The following ARL14EP variants were observed in gnomAD, a reference collection of about 807,000 sequenced individuals.
The protein encoded by ARL14EP is ARF like GTPase 14 effector protein.
Under a neutral mutation model 23.1 loss-of-function variants are expected in ARL14EP, and 12 were observed. That is an observed-to-expected ratio of 0.52 (90% confidence interval 0.33 to 0.84). ARL14EP has a LOEUF of 0.84. Among genes scored for constraint, ARL14EP ranks in the 40% least tolerant of loss-of-function variants. The pLI, the probability that ARL14EP is intolerant of heterozygous loss-of-function variation, is 0.02. For synonymous variants in ARL14EP, 97 were observed against 102.0 expected, an observed-to-expected ratio of 0.95 and a Z score of 0.29; for missense variants, 253 against 307.3, an observed-to-expected ratio of 0.82 and a Z score of 1.32.
At chr11:30,331,624 T>C (rs2133650031) in intron 2 of ARL14EP, 3 of 1,343,286 alleles carry the variant, frequency 2.2e-6, no homozygotes, top group Non-Finnish European at 2.9e-6. Flanking sequence ...CAACTTTTAG[T>C]GCGAAGACTT....
intron 1 of ARL14EP, chr11:30,330,406 T>G (rs973294195): frequency 6.6e-6 from 1 of 152,134 alleles, no homozygotes; most frequent in Non-Finnish European, 1.5e-5. Flanking sequence ...AATTGACATA[T>G]TTTTTATAAT....
At chr11:30,331,485 A>C in intron 2 of ARL14EP, 111 bp downstream of exon 2, 1 of 1,535,544 alleles carries the variant, frequency 6.5e-7, no homozygotes, top group Non-Finnish European at 8.7e-7. Context: ...GCATACAGTG[A>C]ATTAAAAGGA....
In ARL14EP at chr11:30,337,670, G is replaced by T. The variant is rs1947344756; in HGVS notation, c.*875G>T. The T allele has an allele frequency of 1.3e-5, 2 of 152,072 alleles. No homozygotes were observed. Among genetic ancestry groups the T allele is most frequent in the Admixed American group, 1.3e-4 (2 of 15,280 alleles). The allele number at this position is 152,072 out of a possible 1,614,324, so 9.4% of individuals were successfully genotyped here. A position where few individuals can be genotyped will look rare whatever the true frequency, so the allele number is the denominator to read the frequency against. On this transcript the variant is annotated 3_prime_UTR_variant, in exon 4 of 4. Coordinates refer to ENST00000282032, the MANE Select transcript of ARL14EP (RefSeq NM_152316.3). ...AACTTTACATTAAAAGATATTTAAT[G>T]TGAATATAGAAATATTTCACAACAT...
In ARL14EP at chr11:30,325,404, T is replaced by A. The variant is rs571241493; in HGVS notation, c.-64+2202T>A. Reference sequence around the variant, plus strand: ...TCATAGGTAAACAAGGGGGGATCCTTGAGTCTTACCTAACTCAAGGGTGGG... The same window carrying A: ...TCATAGGTAAACAAGGGGGGATCCTAGAGTCTTACCTAACTCAAGGGTGGG... On this transcript the variant is annotated intron_variant, in intron 1 of 3. Transcript: ENST00000282032. Among the ~76,000 whole-genome samples, 4 of 152,302 alleles carry A rather than the reference T, an allele frequency of 2.6e-5. No homozygotes were observed. The East Asian group carries it at 7.7e-4, about 29-fold the overall frequency.
chr11:30,323,714 G>A (rs1947214228), intron 1 of ARL14EP, among the ~76,000 whole-genome samples: 1 of 152,192 alleles, frequency 6.6e-6, no homozygotes, highest in African/African-American at 2.4e-5. Flanking sequence ...GTGAACTAAG[G>A]AAGAAATGTA....
intron 1 of ARL14EP, chr11:30,329,822 TAATC>T (rs796654714): frequency 3.3e-5 from 5 of 152,234 alleles, no homozygotes; most frequent in African/African-American, 7.2e-5. Context: ...TTTATGATAA[TAATC>T]CTAACACCTT....
intron 2 of ARL14EP, chr11:30,331,621 T>C (rs753070035): frequency 2.2e-6 from 3 of 1,349,870 alleles, no homozygotes; most frequent in African/African-American, 2.9e-5. Context: ...CTACAACTTT[T>C]AGTGCGAAGA....
rs181105070 is a variant in ARL14EP, at chr11:30,336,862, A to C, written c.*67A>C. On this transcript the variant is annotated 3_prime_UTR_variant, in exon 4 of 4. Coordinates refer to ENST00000282032, the MANE Select transcript of ARL14EP (RefSeq NM_152316.3). The stretch of plus-strand genomic sequence containing the variant: ...CTAAAAATCTGTTACTCTAAGATAC[A>C]TTTTAAGCTTGATTATCATATGACA... The C allele has an allele frequency of 5.4e-4, 742 of 1,382,340 alleles. 1 individual carries two copies. The highest frequency in any genetic ancestry group is 7.3e-4 in the Admixed American group (40 of 54,804). 85.6% of individuals were successfully genotyped at this position (1,382,340 alleles called of 1,614,324 possible). A position where few individuals can be genotyped will look rare whatever the true frequency, so the allele number is the denominator to read the frequency against.
Position 30,331,144 on chromosome 11 carries a change from G to A in ARL14EP, c.196G>A (p.Asp66Asn). 1 of 1,613,864 alleles carries A rather than the reference G, an allele frequency of 6.2e-7. No individual in the cohort carries two copies. Among genetic ancestry groups the A allele is most frequent in the Non-Finnish European group, 8.5e-7 (1 of 1,179,826 alleles). The change falls in exon 2 of 4, where the codon GAC (aspartate) becomes AAC (asparagine). Residue 66 changes from aspartate (D) to asparagine (N), a missense_variant. Asp to Asn is a conservative substitution (Grantham distance 23). Transcript: ENST00000282032. ...ICFHHVKIYI[D>N]RFEDLQKSCC... ...CTTTCATCATGTAAAAATTTACATT[G>A]ACAGATTTGAGGATTTACAGAAGTC...
intron 3 of ARL14EP, among the ~76,000 whole-genome samples, chr11:30,334,698 T>C (rs1420811101): frequency 6.6e-6 from 1 of 152,226 alleles, no homozygotes; most frequent in Admixed American, 6.5e-5. Context: ...TGATGCTAAA[T>C]GTACTCTACC....
intron 2 of ARL14EP, among the ~76,000 whole-genome samples, 158 bp from the exon 3 acceptor site, chr11:30,332,708 A>T (rs1947295199): frequency 1.3e-5 from 2 of 152,232 alleles, no homozygotes; most frequent in South Asian, 4.1e-4. Flanking sequence ...AGGGCCATGT[A>T]AATTTTCTTG....
chr11:30,336,640 G>C lies in ARL14EP; in HGVS notation c.628G>C (p.Asp210His). ...GATTTTTAGTGGGATGGACCTCTGT[G>C]ACTGCCTGGATGAAGACTGCTTAGG... ...LLIFSGMDLC[D>H]CLDEDCLGCF... The change falls in exon 4 of 4, where the codon GAC becomes CAC. Residue 210 changes from aspartate to histidine, a missense_variant. Physicochemically the swap from Asp to His is moderately conservative, Grantham distance 81. Transcript: ENST00000282032. The C allele has an allele frequency of 6.2e-7, 1 of 1,614,166 alleles. No homozygotes were observed. Among genetic ancestry groups the C allele is most frequent in the Non-Finnish European group, 8.5e-7 (1 of 1,180,020 alleles).
intron 1 of ARL14EP, among the ~76,000 whole-genome samples, chr11:30,323,556 A>T (rs1189633036): frequency 6.6e-6 from 1 of 152,082 alleles, no homozygotes; most frequent in Non-Finnish European, 1.5e-5. Context: ...TATCTCTGCT[A>T]TTTTTGTTTT....
In ARL14EP at chr11:30,337,008, A is replaced by G; in HGVS notation, c.*213A>G. The G allele has an allele frequency of 1.8e-6, 1 of 565,794 alleles. No homozygotes were observed. The highest frequency in any genetic ancestry group is 3.1e-6 in the Non-Finnish European group (1 of 319,118). 35.0% of individuals were successfully genotyped at this position (565,794 alleles called of 1,614,324 possible). On this transcript the variant is annotated 3_prime_UTR_variant, in exon 4 of 4. Transcript: ENST00000282032. ...AGTCAGCGTTAAGCCTGTCTGGATC[A>G]ATATAAACAAGTAGGGTGTAGGCAG...
Position 30,331,379 on chromosome 11 carries a change from G to A in ARL14EP, c.426+5G>A. The A allele has an allele frequency of 6.2e-7, 1 of 1,613,804 alleles. No individual in the cohort carries two copies. Among genetic ancestry groups the A allele is most frequent in the Non-Finnish European group, 8.5e-7 (1 of 1,179,814 alleles). On this transcript the variant is annotated splice_donor_5th_base_variant and intron_variant, in intron 2 of 3. Coordinates refer to ENST00000282032, the MANE Select transcript of ARL14EP (RefSeq NM_152316.3). ...AAAAGGAAACCTGAGTCAGATGTAT[G>A]TGTAATAGTCATTTTTTTCTACATT...
Position 30,323,190 on chromosome 11 carries a change from A to C in ARL14EP, c.-76A>C, listed in dbSNP as rs1947207818. 1 of 152,790 alleles carries C rather than the reference A, an allele frequency of 6.5e-6. No individual in the cohort carries two copies. The highest frequency in any genetic ancestry group is 1.5e-5 in the Non-Finnish European group (1 of 68,688). 9.5% of individuals were successfully genotyped at this position (152,790 alleles called of 1,614,324 possible). ...TCTTGCCCGAAGCCGGGCGGAGGAG[A>C]GCTCAAGCTAAGGTGGAAGGGGAAC... is the stretch of plus-strand genomic sequence containing the variant. On this transcript the variant is annotated 5_prime_UTR_variant, in exon 1 of 4. Coordinates refer to ENST00000282032, the MANE Select transcript of ARL14EP (RefSeq NM_152316.3).
chr11:30,333,015 A>T, intron 3 of ARL14EP, 22 bp downstream of exon 3: 1 of 1,611,350 alleles, frequency 6.2e-7, no homozygotes, highest in Non-Finnish European at 8.5e-7. Context: ...GTTACTGAAG[A>T]CATGTTAACT....
chr11:30,326,051 A>G (rs927530054), intron 1 of ARL14EP, among the ~76,000 whole-genome samples: 1 of 152,204 alleles, frequency 6.6e-6, no homozygotes, highest in African/African-American at 2.4e-5. Flanking sequence ...TAGTGTATCG[A>G]ATTTAAATCT....
At chr11:30,329,898 A>G (rs1018219424) in intron 1 of ARL14EP, 7 of 152,050 alleles carry the variant, frequency 4.6e-5, no homozygotes, top group African/African-American at 1.7e-4. Context: ...CATATAATCA[A>G]ATATATCCAT....
Sources: gnomAD v4.1 joint callset for allele counts (sites outside exome capture counted in the v4.1 genomes callset) on GRCh38, gnomAD v4.1.1 for gene constraint, MANE v1.5 for transcripts, NCBI Gene and HGNC (gene_info 2026-07-23, HGNC 2026-07-21) for gene names.